PPP2R5C: variants seen among roughly 807,000 people sequenced by gnomAD.
The protein encoded by PPP2R5C is protein phosphatase 2 regulatory subunit B'gamma, also known as serine/threonine-protein phosphatase 2A 56 kDa regulatory subunit gamma isoform.
Under a neutral mutation model 68.9 loss-of-function variants are expected in PPP2R5C, and 7 were observed. The observed-to-expected ratio is 0.10, with a 90% CI of 0.06 to 0.19. The LOEUF (loss-of-function observed/expected upper bound fraction) is 0.19. PPP2R5C is among the 10% of genes least tolerant of loss of function. The pLI is 1.00. For synonymous variants in PPP2R5C, 210 were observed against 222.2 expected (o/e 0.95, Z 0.49); for missense variants, 348 against 641.3 (o/e 0.54, Z 4.94).
upstream of PPP2R5C, chr14:101,760,729 GAGGGGAGGGGC>G: frequency 3.4e-6 from 3 of 884,454 alleles, no homozygotes; most frequent in Non-Finnish European, 3.9e-6. Context: ...CTGAGCTGGT[GAGGGGAGGGGC>G]TGGTCGAGGG....
In PPP2R5C at chr14:101,781,642, G is replaced by A. The variant is rs1385307927; in HGVS notation, c.94-4376G>A. ...CCGCCGGCCGCCTCCGGAGCCTCCG[G>A]CATGGGCCCCAGGCCGGGGTCCCGC... On this transcript the variant is annotated intron_variant, in intron 2 of 14. Coordinates refer to the PPP2R5C transcript ENST00000328724. The surrounding 1 kb of genome is among the most constrained non-coding windows in gnomAD (Gnocchi z 6.4). Among the ~76,000 whole-genome samples, 2 of 152,136 alleles carry A rather than the reference G, an allele frequency of 1.3e-5. No individual in the cohort carries two copies. Among genetic ancestry groups the A allele is most frequent in the Non-Finnish European group, 2.9e-5 (2 of 67,994 alleles).
intron 1 of PPP2R5C, among the ~76,000 whole-genome samples, chr14:101,813,091 G>A (rs545395111): frequency 1.0e-3 from 152 of 152,304 alleles, no homozygotes; most frequent in Non-Finnish European, 1.5e-3. Context: ...CTGCTGTGGT[G>A]GAAATGTTCT....
At chr14:101,921,927 G>A in intron 13 of PPP2R5C, 2 of 929,004 alleles carry the variant, frequency 2.2e-6, no homozygotes, top group Non-Finnish European at 2.6e-6. Flanking sequence ...CAAATATCAT[G>A]TGAATAACAT....
chr14:101,823,632 ACTTTGACAG>A (rs2040221648), intron 1 of PPP2R5C: 1 of 436,212 alleles, frequency 2.3e-6, no homozygotes, highest in Admixed American at 5.7e-5. Flanking sequence ...GATTAGTCCT[ACTTTGACAG>A]CGGTGGAAAC....
chr14:101,881,726 G>A (rs543849050), intron 2 of PPP2R5C, among the ~76,000 whole-genome samples: 22 of 152,216 alleles, frequency 1.4e-4, no homozygotes, highest in Non-Finnish European at 3.1e-4. Flanking sequence ...TCCTCCCTGC[G>A]TGACGCAGCC....
At chr14:101,912,920 C>T (rs1477424428) in intron 12 of PPP2R5C, among the ~76,000 whole-genome samples, 2 of 152,202 alleles carry the variant, frequency 1.3e-5, no homozygotes, top group Admixed American at 6.5e-5. Context: ...TTTCTGTAAG[C>T]CCAGCCTTTT....
intron 2 of PPP2R5C, among the ~76,000 whole-genome samples, chr14:101,773,730 T>A (rs1299229404): frequency 4.6e-5 from 7 of 152,198 alleles, no homozygotes; most frequent in Admixed American, 3.9e-4. Context: ...GGTCTCACTC[T>A]GTTGCCCAGG....
At chr14:101,764,851 A>T in intron 2 of PPP2R5C, among the ~76,000 whole-genome samples, 1 of 143,650 alleles carries the variant, frequency 7.0e-6, no homozygotes. Context: ...AACTGCTAAG[A>T]TTTCTTCTCC....
At chr14:101,892,966 A>G in intron 6 of PPP2R5C, 34 bp from the exon 9 acceptor site, 1 of 1,432,496 alleles carries the variant, frequency 7.0e-7, no homozygotes, top group Non-Finnish European at 9.7e-7. Flanking sequence ...TGGAATTCGT[A>G]AATGTTCAAA....
intron 11 of PPP2R5C, among the ~76,000 whole-genome samples, chr14:101,910,322 T>A (rs573051813): frequency 6.6e-6 from 1 of 152,342 alleles, no homozygotes; most frequent in African/African-American, 2.4e-5. Context: ...ATTTTTTGCT[T>A]GTCACTTAAA....
chr14:101,922,442 T>C (rs1354422657), intron 13 of PPP2R5C, among the ~76,000 whole-genome samples: 1 of 150,716 alleles, frequency 6.6e-6, no homozygotes, highest in African/African-American at 2.5e-5. Context: ...TGAGCCGAGG[T>C]TGCACCATTG....
chr14:101,896,727 T>A (rs1382171807), intron 8 of PPP2R5C, among the ~76,000 whole-genome samples: 1 of 151,980 alleles, frequency 6.6e-6, no homozygotes, highest in Non-Finnish European at 1.5e-5. Flanking sequence ...TTTTTTTTAA[T>A]TATTTGAGTA....
intron 3 of PPP2R5C, among the ~76,000 whole-genome samples, chr14:101,802,727 T>C (rs1228950469): frequency 6.6e-6 from 1 of 152,058 alleles, no homozygotes; most frequent in Non-Finnish European, 1.5e-5. Context: ...ATCATATAAC[T>C]GATAAGGAGT....
At chr14:101,821,628 G>A (rs1403550258) in intron 1 of PPP2R5C, among the ~76,000 whole-genome samples, 3 of 151,494 alleles carry the variant, frequency 2.0e-5, no homozygotes, top group Non-Finnish European at 4.4e-5. Flanking sequence ...TGGCGCTCTC[G>A]GTTCATAATG....
rs535429709 is a variant in PPP2R5C at position 101,895,798 on chromosome 14, A to G, written c.852+1238A>G. Among the ~76,000 whole-genome samples the G allele has an allele frequency of 5.6e-4, 86 of 152,308 alleles. 1 individual carries two copies. In the South Asian group the frequency reaches 0.016, roughly 28 times the overall value. On this transcript the variant is annotated intron_variant, in intron 8 of 13. Coordinates refer to ENST00000334743, the Ensembl canonical transcript of PPP2R5C. ...GGATACTGGTGTACAAATATTTGCT[A>G]TAATCCCCATTTTCAGTTCCTTTGG...
At chr14:101,914,263 CTG>C (rs1159506879) in intron 12 of PPP2R5C, 18 of 450,536 alleles carry the variant, frequency 4.0e-5, no homozygotes, top group Non-Finnish European at 7.6e-5. Flanking sequence ...TTGACGCCAT[CTG>C]TGACGCAGTC....
chr14:101,761,712 G>A, upstream of PPP2R5C: 4 of 684,210 alleles, frequency 5.8e-6, no homozygotes, highest in Non-Finnish European at 7.1e-6. Flanking sequence ...CGCCGCCGCC[G>A]CCGTGGCTGC....
At position 101,877,263 on chromosome 14, in the gene PPP2R5C, T is replaced by G. The variant is rs1205103557; in HGVS notation, c.295-4898T>G. 6.6e-6 allele frequency among the ~76,000 whole-genome samples: 1 copy of G among 151,990 alleles called. No individual in the cohort carries two copies. The highest frequency in any genetic ancestry group is 1.5e-5 in the Non-Finnish European group (1 of 67,960). On this transcript the variant is annotated intron_variant, in intron 2 of 13. Transcript: ENST00000334743. The surrounding 1 kb of genome is among the most constrained non-coding windows in gnomAD (Gnocchi z 4.2). Reference sequence around the variant, plus strand: ...CGCGCCTGGCCTTTACCCTTTCCAATGGAGGAGAAAATTGAGGCTCAGGCA... The same window carrying G: ...CGCGCCTGGCCTTTACCCTTTCCAAGGGAGGAGAAAATTGAGGCTCAGGCA...
chr14:101,792,086 A>G (rs2038387885), intron 3 of PPP2R5C, among the ~76,000 whole-genome samples: 1 of 152,186 alleles, frequency 6.6e-6, no homozygotes, highest in African/African-American at 2.4e-5. Flanking sequence ...AATATATCCC[A>G]CTTACCCCAC....
Sources: allele counts gnomAD v4.1 joint callset (sites outside exome capture counted in the v4.1 genomes callset), GRCh38; gene constraint gnomAD v4.1.1; non-coding constraint Gnocchi (gnomAD v3.1); transcripts MANE v1.5; gene names NCBI Gene and HGNC (gene_info 2026-07-23, HGNC 2026-07-21).